Variants in PKHD1 observed in about 807,000 individuals in gnomAD.
The protein encoded by PKHD1 is PKHD1 ciliary IPT domain containing fibrocystin/polyductin.
PKHD1 carries 291 observed loss-of-function variants against 412.0 expected under a neutral mutation model. The ratio of observed to expected loss-of-function variants is 0.71; its 90% CI spans 0.64 to 0.78. The LOEUF is 0.78. PKHD1 is among the 30% of genes least tolerant of loss of function. The pLI is 0.00. For missense variants in PKHD1, 4,825 were observed against 4,950.7 expected (o/e 0.97, Z 0.76); for synonymous variants, 1,777 against 1,821.5 (o/e 0.98, Z 0.62).
intron 4 of PKHD1, among the ~76,000 whole-genome samples, chr6:52,081,445 C>T (rs2128241960): frequency 6.6e-6 from 1 of 152,278 alleles, no homozygotes; most frequent in South Asian, 2.1e-4. Context: ...CCTCAAAGCA[C>T]TTAATTCTGT....
chr6:51,988,922 T>C (rs1049113510), intron 35 of PKHD1, among the ~76,000 whole-genome samples: 1 of 152,198 alleles, frequency 6.6e-6, no homozygotes, highest in Non-Finnish European at 1.5e-5. Context: ...CAACTAACGA[T>C]GAGCCTGCAC....
intron 48 of PKHD1, among the ~76,000 whole-genome samples, chr6:51,861,911 T>C (rs747144481): frequency 6.6e-6 from 1 of 152,218 alleles, no homozygotes; most frequent in Non-Finnish European, 1.5e-5. Flanking sequence ...CCATATACCA[T>C]TGCATCTCTA....
intron 53 of PKHD1, 97 bp downstream of exon 53, chr6:51,791,139 G>A (rs757172487): frequency 3.1e-6 from 4 of 1,294,480 alleles, no homozygotes; most frequent in Non-Finnish European, 4.5e-6. Flanking sequence ...CCTAAACTCT[G>A]TTAAGCAACC....
At chr6:51,697,268 C>T (rs1000342625) in intron 60 of PKHD1, among the ~76,000 whole-genome samples, 13 of 152,258 alleles carry the variant, frequency 8.5e-5, no homozygotes, top group African/African-American at 2.4e-4. Flanking sequence ...TAACCAAACA[C>T]GCTGTGAGGT....
intron 36 of PKHD1, among the ~76,000 whole-genome samples, chr6:51,950,767 T>C (rs926734949): frequency 3.9e-5 from 6 of 152,162 alleles, no homozygotes; most frequent in Non-Finnish European, 7.3e-5. Flanking sequence ...AAGCCTGGAA[T>C]TATAGAATAA....
At chr6:51,725,687 A>G (rs988920517) in intron 60 of PKHD1, among the ~76,000 whole-genome samples, 2 of 152,222 alleles carry the variant, frequency 1.3e-5, no homozygotes, top group Non-Finnish European at 2.9e-5. Flanking sequence ...TTCATTTCAC[A>G]GGTCATTATT....
chr6:51,783,761 A>G (rs1792424455), intron 53 of PKHD1, among the ~76,000 whole-genome samples: 1 of 152,322 alleles, frequency 6.6e-6, no homozygotes, highest in East Asian at 1.9e-4. Flanking sequence ...GACATTTTTA[A>G]GTCAGTTTCC....
intron 35 of PKHD1, among the ~76,000 whole-genome samples, chr6:51,965,196 T>C (rs531525485): frequency 1.4e-4 from 21 of 152,246 alleles, no homozygotes; most frequent in Admixed American, 3.9e-4. Flanking sequence ...TATATTATCA[T>C]TTAGAAAAAT....
chr6:51,882,023 T>G (rs1467752906), intron 46 of PKHD1, among the ~76,000 whole-genome samples: 1 of 152,232 alleles, frequency 6.6e-6, no homozygotes, highest in African/African-American at 2.4e-5. Flanking sequence ...CCATTAATTA[T>G]GATGTCTATT....
intron 52 of PKHD1, among the ~76,000 whole-genome samples, chr6:51,807,485 ATGTGTGTG>A (rs567506746): frequency 2.1e-4 from 23 of 111,764 alleles, no homozygotes; most frequent in South Asian, 1.1e-3. Flanking sequence ...ATATATGTAT[ATGTGTGTG>A]TGTGTGTGTG....
Position 51,627,009 on chromosome 6 carries a change from C to G in PKHD1, c.11773G>C (p.Val3925Leu), listed in dbSNP as rs1767324990. The change falls in exon 66 of 67, where the codon GTG becomes CTG. Residue 3925 changes from valine (V) to leucine (L), a missense_variant. Coordinates refer to ENST00000371117, the MANE Select transcript of PKHD1 (RefSeq NM_138694.4). ...CCTCCAAGCTTACCTTCTCCCACCA[C>G]AGTGTCTTCTTTTTTGGGCCCTTGT... ...ESQGPKKEDT[V>L]VGEDMRMKVM... is the part of the protein sequence containing the mutation. The G allele has an allele frequency of 6.2e-7, 1 of 1,613,476 alleles. No individual in the cohort carries two copies. The highest frequency in any genetic ancestry group is 1.1e-5 in the South Asian group (1 of 91,088).
At chr6:51,751,824 T>C (rs912204753) in intron 57 of PKHD1, among the ~76,000 whole-genome samples, 1 of 152,212 alleles carries the variant, frequency 6.6e-6, no homozygotes, top group Admixed American at 6.5e-5. Flanking sequence ...AATAGGAATA[T>C]AAATTTCTCT....
chr6:51,796,089 C>T (rs1235222249), intron 52 of PKHD1, among the ~76,000 whole-genome samples: 1 of 152,152 alleles, frequency 6.6e-6, no homozygotes, highest in Non-Finnish European at 1.5e-5. Flanking sequence ...ATAGTACCAG[C>T]TCTTCCTTGT....
chr6:52,066,120 G>C (rs1289502745), intron 11 of PKHD1, 43 bp from the exon 12 acceptor site: 1 of 881,744 alleles, frequency 1.1e-6, no homozygotes, highest in Non-Finnish European at 1.9e-6. Context: ...TCCAAATATA[G>C]ACCAGAATAT....
intron 35 of PKHD1, among the ~76,000 whole-genome samples, chr6:51,994,384 C>T (rs1797459018): frequency 6.6e-6 from 1 of 152,220 alleles, no homozygotes; most frequent in Non-Finnish European, 1.5e-5. Flanking sequence ...ATCCGCCCAC[C>T]TCGGCCTCCC....
intron 19 of PKHD1, among the ~76,000 whole-genome samples, chr6:52,054,441 T>TG (rs1462071477): frequency 6.6e-6 from 1 of 152,238 alleles, no homozygotes; most frequent in Non-Finnish European, 1.5e-5. Context: ...CTTAGCACTG[T>TG]GCTTGGCAGT....
At chr6:51,800,470 C>T (rs1232192056) in intron 52 of PKHD1, among the ~76,000 whole-genome samples, 1 of 152,212 alleles carries the variant, frequency 6.6e-6, no homozygotes, top group Non-Finnish European at 1.5e-5. Context: ...GACTGAAAGA[C>T]AGATGTCTCT....
chr6:51,847,698 C>A, intron 50 of PKHD1, 77 bp downstream of exon 50: 5 of 1,078,696 alleles, frequency 4.6e-6, no homozygotes, highest in Non-Finnish European at 4.3e-6. Flanking sequence ...CTTCACAGCA[C>A]AAATGTCTGG....
In PKHD1 at chr6:52,058,362, G is replaced by A. The variant is rs368613297; in HGVS notation, c.1473C>T (p.His491=). The part of the protein sequence containing the change: ...DVVTTYLREK[H]QIRVRAQRLP... Reference sequence around the variant, plus strand: ...GCCTCTGGGCTCGGACTCGGATCTGGTGCTTCTCCCGTAGGTAAGTGGTGA... The same window carrying A: ...GCCTCTGGGCTCGGACTCGGATCTGATGCTTCTCCCGTAGGTAAGTGGTGA... The change falls in exon 16 of 67, where the codon CAC becomes CAT. Residue 491 remains histidine, a synonymous_variant. Transcript: ENST00000371117. 5 of 1,614,034 alleles carry A rather than the reference G, an allele frequency of 3.1e-6. No homozygotes were observed. Among genetic ancestry groups the A allele is most frequent in the Middle Eastern group, 3.3e-4 (2 of 6,082 alleles).
Sources: gnomAD v4.1 joint callset for allele counts (sites outside exome capture counted in the v4.1 genomes callset) on GRCh38, gnomAD v4.1.1 for gene constraint, MANE v1.5 for transcripts, NCBI Gene and HGNC (gene_info 2026-07-23, HGNC 2026-07-21) for gene names.